POLA1: variants seen among roughly 807,000 people sequenced by gnomAD.
POLA1 encodes DNA polymerase alpha 1, catalytic subunit.
A neutral mutation model predicts 124.0 loss-of-function variants in POLA1; 15 were observed. That is an observed-to-expected ratio of 0.12 (90% CI 0.08 to 0.19). The LOEUF (loss-of-function observed/expected upper bound fraction) is 0.19, where lower values mean the gene tolerates loss of function less well. Among genes scored for constraint, POLA1 ranks in the 10% least tolerant of loss-of-function variants. The pLI, the probability that POLA1 is intolerant of heterozygous loss-of-function variation, is 1.00. For missense variants in POLA1, 886 were observed against 1,103.4 expected (o/e 0.80, Z 2.79); for synonymous variants, 408 against 389.4 (o/e 1.05, Z -0.56).
intron 10 of POLA1, among the ~76,000 whole-genome samples, chrX:24,721,372 C>G (rs1930191524): frequency 8.9e-6 from 1 of 112,057 alleles, no homozygotes; most frequent in African/African-American, 3.2e-5. Flanking sequence ...GTGTTCTCTC[C>G]TATGGCACAT....
chrX:24,710,664 GTTTTTTT>G (rs1191270484), intron 4 of POLA1, among the ~76,000 whole-genome samples: 122 of 86,639 alleles, frequency 1.4e-3, no homozygotes, highest in Admixed American at 3.8e-3. Context: ...ATATGTTGTG[GTTTTTTT>G]TTTTTTTTTT....
At chrX:24,844,665 T>C (rs899832160) in intron 34 of POLA1, among the ~76,000 whole-genome samples, 4 of 111,998 alleles carry the variant, frequency 3.6e-5, no homozygotes, top group Non-Finnish European at 5.6e-5. Flanking sequence ...ATTATGATTT[T>C]GGTGTTGAAT....
At chrX:24,851,655 T>G (rs2046563792) in intron 34 of POLA1, among the ~76,000 whole-genome samples, 1 of 112,943 alleles carries the variant, frequency 8.9e-6, no homozygotes, top group African/African-American at 3.2e-5. Context: ...ATTGAAAGCT[T>G]TCTGAAATGC....
intron 26 of POLA1, among the ~76,000 whole-genome samples, chrX:24,802,937 G>T (rs979575373): frequency 2.7e-5 from 3 of 111,728 alleles, no homozygotes; most frequent in Admixed American, 1.9e-4. Flanking sequence ...GGTAGAGTTT[G>T]CAGTGAGCCG....
chrX:24,918,878 G>T (rs1173033734), intron 35 of POLA1, among the ~76,000 whole-genome samples: 3 of 111,004 alleles, frequency 2.7e-5, no homozygotes, highest in African/African-American at 9.8e-5. Flanking sequence ...CAGCTCTAAA[G>T]GGAATTAATA....
intron 35 of POLA1, among the ~76,000 whole-genome samples, chrX:24,892,742 C>CA (rs2047157430): frequency 8.9e-6 from 1 of 112,362 alleles, no homozygotes; most frequent in Non-Finnish European, 1.9e-5. Context: ...ATGTGACTCT[C>CA]ACGATCATGG....
At chrX:24,931,388 A>G (rs1401919116) in intron 36 of POLA1, among the ~76,000 whole-genome samples, 1 of 111,851 alleles carries the variant, frequency 8.9e-6, no homozygotes, top group Non-Finnish European at 1.9e-5. Context: ...CTATTGCTAG[A>G]TTTCCCCGCA....
chrX:24,818,212 A>C (rs775433512), intron 30 of POLA1, among the ~76,000 whole-genome samples: 14 of 108,704 alleles, frequency 1.3e-4, no homozygotes, highest in Non-Finnish European at 2.5e-4. Flanking sequence ...TTTTTTTTTT[A>C]AATGAAGCCT....
At chrX:24,936,405 G>A (rs2047849245) in intron 36 of POLA1, among the ~76,000 whole-genome samples, 1 of 112,090 alleles carries the variant, frequency 8.9e-6, no homozygotes, top group South Asian at 3.7e-4. Context: ...CTCTAAGCTA[G>A]TTGACATCCT....
intron 34 of POLA1, among the ~76,000 whole-genome samples, chrX:24,856,009 C>T (rs28718100): frequency 8.9e-6 from 1 of 112,240 alleles, no homozygotes; most frequent in Non-Finnish European, 1.9e-5. Flanking sequence ...AAAAAGATAA[C>T]TTTCCTATAT....
intron 36 of POLA1, among the ~76,000 whole-genome samples, chrX:24,959,220 A>C (rs946214641): frequency 1.8e-5 from 2 of 111,464 alleles, no homozygotes; most frequent in African/African-American, 6.5e-5. Flanking sequence ...AATCCCAGCA[A>C]TTTGGGAGGC....
intron 34 of POLA1, among the ~76,000 whole-genome samples, chrX:24,852,219 C>T (rs1239429577): frequency 9.0e-6 from 1 of 111,711 alleles, no homozygotes; most frequent in Non-Finnish European, 1.9e-5. Flanking sequence ...AGAAATACTA[C>T]TATTGATGAG....
intron 26 of POLA1, among the ~76,000 whole-genome samples, chrX:24,779,834 A>G (rs1289631444): frequency 8.9e-6 from 1 of 112,402 alleles, no homozygotes; most frequent in African/African-American, 3.2e-5. Context: ...AGTAATGAGT[A>G]GAGCCAGGAT....
chrX:24,789,129 G>C, intron 26 of POLA1: 1 of 1,044,779 alleles, frequency 9.6e-7, no homozygotes, highest in East Asian at 3.0e-5. Flanking sequence ...TACTACTTCT[G>C]TTCTACATAG....
chrX:24,882,269 C>T (rs749970878), intron 34 of POLA1, among the ~76,000 whole-genome samples: 5 of 111,776 alleles, frequency 4.5e-5, no homozygotes, highest in Non-Finnish European at 9.4e-5. Context: ...AAACTTGCTC[C>T]TCTACATTTT....
At chrX:24,990,021 A>G (rs1271275538) in intron 36 of POLA1, among the ~76,000 whole-genome samples, 1 of 111,740 alleles carries the variant, frequency 8.9e-6, no homozygotes, top group African/African-American at 3.3e-5. Flanking sequence ...GCGCTTTTTA[A>G]ACATTAGGGT....
At chrX:24,812,368 T>C (rs1475697966) in intron 28 of POLA1, among the ~76,000 whole-genome samples, 1 of 112,155 alleles carries the variant, frequency 8.9e-6, no homozygotes, top group African/African-American at 3.2e-5. Flanking sequence ...TGTTTCATAA[T>C]TTTCATATAT....
chrX:24,842,373 A>G lies in POLA1; in HGVS notation c.3915+543A>G, dbSNP rs567955908. On this transcript the variant is annotated intron_variant, in intron 33 of 36. Transcript: ENST00000379068. ...TTCAAGAAGTACTGCCAAAAAATGTATTATTGACCTTGGATCAGAGCTTGA... is the reference window on the plus strand; with the variant it reads ...TTCAAGAAGTACTGCCAAAAAATGTGTTATTGACCTTGGATCAGAGCTTGA... Among the ~76,000 whole-genome samples, 58 of 112,084 alleles carry G rather than the reference A, an allele frequency of 5.2e-4. No individual in the cohort carries two copies. The South Asian group carries it at 0.021, about 40-fold the overall frequency.
chrX:24,816,273 G>C (rs1369547684), intron 30 of POLA1, among the ~76,000 whole-genome samples: 3 of 112,447 alleles, frequency 2.7e-5, no homozygotes, highest in Non-Finnish European at 5.6e-5. Flanking sequence ...TTTGCATGTA[G>C]TGGTGATGAT....
Sources: gnomAD v4.1 joint callset for allele counts (sites outside exome capture counted in the v4.1 genomes callset) on GRCh38, gnomAD v4.1.1 for gene constraint, MANE v1.5 for transcripts, NCBI Gene and HGNC (gene_info 2026-07-23, HGNC 2026-07-21) for gene names.